The following CCNJL variants were observed in gnomAD, a reference collection of about 807,000 sequenced individuals.
CCNJL encodes cyclin-J-like protein.
In CCNJL, 33 loss-of-function variants were observed where a neutral mutation model predicts 33.4. That is an observed-to-expected ratio of 0.99 (90% confidence interval 0.75 to 1.32). The LOEUF (loss-of-function observed/expected upper bound fraction) is 1.32. Among genes scored for constraint, CCNJL ranks in the 40% most tolerant of loss-of-function variants. The probability of loss-of-function intolerance (pLI) is 0.00; values close to 1 mark genes in which losing one functional copy is unlikely to be tolerated. For missense variants in CCNJL, 512 were observed against 499.7 expected (o/e 1.02, Z -0.23); for synonymous variants, 227 against 220.9 (o/e 1.03, Z -0.24).
chr5:160,315,582 T>G (rs1432224455), upstream of CCNJL: 1 of 83,702 alleles, frequency 1.2e-5, no homozygotes, highest in African/African-American at 3.2e-5. Context: ...AAGATTAGAG[T>G]ACGATCCCAG....
At chr5:160,308,075 C>T (rs1231571514) in intron 2 of CCNJL, among the ~76,000 whole-genome samples, 2 of 152,192 alleles carry the variant, frequency 1.3e-5, no homozygotes, top group Non-Finnish European at 2.9e-5. Flanking sequence ...GCTAACAGTG[C>T]CTTTCTTACA....
chr5:160,297,939 T>C (rs1394895774), intron 2 of CCNJL, among the ~76,000 whole-genome samples: 1 of 152,170 alleles, frequency 6.6e-6, no homozygotes, highest in Non-Finnish European at 1.5e-5. Flanking sequence ...CCTTCTCACC[T>C]AGCTTGGTGG....
At chr5:160,327,774 T>C (rs956945400) in intron 1 of CCNJL, among the ~76,000 whole-genome samples, 2 of 152,248 alleles carry the variant, frequency 1.3e-5, no homozygotes, top group Non-Finnish European at 2.9e-5. Flanking sequence ...CTGTCTCACC[T>C]TCCCTGCTTT....
chr5:160,319,524 C>T (rs1763415345), intron 1 of CCNJL, among the ~76,000 whole-genome samples: 1 of 152,192 alleles, frequency 6.6e-6, no homozygotes, highest in South Asian at 2.1e-4. Flanking sequence ...TCTATCTACC[C>T]CACACACTTC....
chr5:160,327,658 A>T (rs73819825), intron 1 of CCNJL, among the ~76,000 whole-genome samples: 4,290 of 152,148 alleles, frequency 0.028, 189 homozygotes, highest in African/African-American at 0.097. Context: ...CAGAAGAACA[A>T]CTCTGGGAGG....
chr5:160,259,855 G>C, intron 3 of CCNJL, 84 bp from the exon 4 acceptor site: 1 of 1,115,082 alleles, frequency 9.0e-7, no homozygotes, highest in East Asian at 2.4e-5. Flanking sequence ...ACAGTGCCTG[G>C]ACATTGCTGG....
chr5:160,295,266 G>A (rs749328563), intron 2 of CCNJL, among the ~76,000 whole-genome samples: 63 of 152,200 alleles, frequency 4.1e-4, no homozygotes, highest in Admixed American at 7.2e-4. Flanking sequence ...CAAGGAGGGC[G>A]GTTCACGAGG....
upstream of CCNJL, chr5:160,315,472 A>C (rs887961335): frequency 4.5e-6 from 2 of 443,986 alleles, no homozygotes; most frequent in Non-Finnish European, 9.1e-6. Context: ...GTGCCACTGC[A>C]CTCCAGCCTG....
intron 2 of CCNJL, among the ~76,000 whole-genome samples, chr5:160,307,325 C>CA (rs1763124323): frequency 1.3e-5 from 2 of 152,192 alleles, no homozygotes; most frequent in Non-Finnish European, 2.9e-5. Flanking sequence ...TGCAGGGTGA[C>CA]AAAGATGGTG....
chr5:160,330,493 G>A (rs923455015), intron 1 of CCNJL, among the ~76,000 whole-genome samples: 3 of 151,920 alleles, frequency 2.0e-5, no homozygotes, highest in African/African-American at 7.3e-5. Flanking sequence ...CTCTCCTCTC[G>A]GCTCCCCCTT....
chr5:160,262,375 T>C (rs1271755306), intron 3 of CCNJL, among the ~76,000 whole-genome samples: 1 of 152,250 alleles, frequency 6.6e-6, no homozygotes, highest in East Asian at 1.9e-4. Context: ...CAGGGATTAC[T>C]GCGGAATCTG....
At chr5:160,287,431 T>G (rs944377934) in intron 2 of CCNJL, among the ~76,000 whole-genome samples, 21 of 152,346 alleles carry the variant, frequency 1.4e-4, no homozygotes, top group African/African-American at 4.8e-4. Context: ...GAGCCTCAGC[T>G]TGTTCCCCTC....
rs1432998640 is a variant in CCNJL, at chr5:160,259,606, T to C, written c.446A>G (p.His149Arg). ...SWNLCLPTPAHFLDYYLLASV... is the reference protein window; with the variant it reads ...SWNLCLPTPARFLDYYLLASV... ...GGCCAAGAGGTAGTAGTCCAGGAAG[T>C]GGGCAGGCGTGGGCAGGCAGAGGTT... is the stretch of plus-strand genomic sequence containing the variant. Residue 149 changes from histidine (H) to arginine (R), a missense_variant, in exon 4 of 6, where the codon CAC (histidine) becomes CGC (arginine). Physicochemically the swap from His to Arg is conservative, Grantham distance 29. Coordinates refer to ENST00000257536, the MANE Select transcript of CCNJL (RefSeq NM_001308173.3). The C allele has an allele frequency of 6.2e-7, 1 of 1,613,988 alleles. No homozygotes were observed. Among genetic ancestry groups the C allele is most frequent in the East Asian group, 2.2e-5 (1 of 44,878 alleles).
At chr5:160,292,055 C>T (rs754870247) in intron 2 of CCNJL, among the ~76,000 whole-genome samples, 20 of 152,032 alleles carry the variant, frequency 1.3e-4, no homozygotes, top group Non-Finnish European at 2.2e-4. Context: ...CAGTAAGACC[C>T]CGTCTCTTTA....
chr5:160,333,892 CA>C (rs1490350271), intron 1 of CCNJL, among the ~76,000 whole-genome samples: 1 of 152,102 alleles, frequency 6.6e-6, no homozygotes, highest in Admixed American at 6.6e-5. Context: ...GTTGCAATTC[CA>C]ACATTGCTTC....
chr5:160,306,295 G>A (rs1248654010), intron 2 of CCNJL, among the ~76,000 whole-genome samples: 4 of 145,820 alleles, frequency 2.7e-5, no homozygotes, highest in African/African-American at 7.6e-5. Context: ...AAAAAAAAGC[G>A]GTCTCACAGA....
chr5:160,285,523 GCCAACAGAGGGAAGTCGTGA>G (rs1385342413), intron 2 of CCNJL, among the ~76,000 whole-genome samples: 3 of 151,894 alleles, frequency 2.0e-5, no homozygotes, highest in Admixed American at 6.6e-5. Context: ...GGAAGTCGTG[GCCAACAGAGGGAAGTCGTGA>G]CCAACTCTAC....
intron 3 of CCNJL, among the ~76,000 whole-genome samples, chr5:160,268,355 G>T (rs1401413927): frequency 6.6e-6 from 1 of 152,248 alleles, no homozygotes; most frequent in African/African-American, 2.4e-5. Context: ...GTGGTCTGGG[G>T]TAAGTCACAA....
At chr5:160,314,137 C>G (rs906486691), upstream of CCNJL, among the ~76,000 whole-genome samples, 1 of 152,196 alleles carries the variant, frequency 6.6e-6, no homozygotes, top group Non-Finnish European at 1.5e-5. Context: ...CCACTGCACT[C>G]CAGCTTGGGC....
Sources: gnomAD v4.1 joint callset for allele counts (sites outside exome capture counted in the v4.1 genomes callset) on GRCh38, gnomAD v4.1.1 for gene constraint, MANE v1.5 for transcripts, NCBI Gene and HGNC (gene_info 2026-07-23, HGNC 2026-07-21) for gene names.